Variants in ZNF536 observed in about 807,000 individuals in gnomAD.
The protein encoded by ZNF536 is zinc finger protein 536.
ZNF536 carries 13 observed loss-of-function variants against 84.5 expected under a neutral mutation model. The observed-to-expected ratio is 0.15, with a 90% CI of 0.10 to 0.24. ZNF536 has a LOEUF of 0.24. Ranked by LOEUF, ZNF536 falls within the 10% of genes least tolerant of loss-of-function variation. The pLI is 1.00. For synonymous variants in ZNF536, 811 were observed against 742.5 expected (o/e 1.09, Z -1.50); for missense variants, 1,536 against 1,747.5 (o/e 0.88, Z 2.16).
chr19:30,341,508 G>A (rs554505497), intron 2 of ZNF536, among the ~76,000 whole-genome samples: 14 of 152,244 alleles, frequency 9.2e-5, no homozygotes, highest in African/African-American at 3.4e-4. Context: ...TTCTCCTCTC[G>A]TGATTGATAG....
At chr19:30,253,741 G>A (rs1039002048) in intron 1 of ZNF536, among the ~76,000 whole-genome samples, 2 of 152,098 alleles carry the variant, frequency 1.3e-5, no homozygotes, top group African/African-American at 4.8e-5. Context: ...GGCGCCGACA[G>A]CTCCAGCCGG....
chr19:30,389,561 T>C, intron 1 of ZNF536, among the ~76,000 whole-genome samples: 1 of 152,134 alleles, frequency 6.6e-6, no homozygotes, highest in Non-Finnish European at 1.5e-5. Context: ...GGGGCTGTAT[T>C]ATGGTGACAC....
chr19:30,340,110 G>A (rs1263838477), intron 2 of ZNF536, among the ~76,000 whole-genome samples: 1 of 152,160 alleles, frequency 6.6e-6, no homozygotes, highest in Non-Finnish European at 1.5e-5. Context: ...CTAAGGGACA[G>A]TGGTGGGGAC....
At chr19:30,517,248 A>G (rs1358798003) in intron 2 of ZNF536, among the ~76,000 whole-genome samples, 1 of 152,210 alleles carries the variant, frequency 6.6e-6, no homozygotes, top group Non-Finnish European at 1.5e-5. Flanking sequence ...CTTTGAAATA[A>G]CAGACCCATC....
chr19:30,681,065 C>T (rs2050949493), intron 1 of ZNF536, among the ~76,000 whole-genome samples: 1 of 152,174 alleles, frequency 6.6e-6, no homozygotes, highest in African/African-American at 2.4e-5. Flanking sequence ...ACCCTGCACC[C>T]CGCCCCTTTC....
rs546014099 is a variant in ZNF536, at chr19:30,465,812, G to A, written c.2170+20080G>A. The stretch of plus-strand genomic sequence containing the variant: ...GTTGCCCAGGCTGGAGTGCAGTGGT[G>A]CGATCTCGGCTCACTGCAAGCTCCA... On this transcript the variant is annotated intron_variant, in intron 2 of 4. Coordinates refer to ENST00000355537, the MANE Select transcript of ZNF536 (RefSeq NM_014717.3). Among the ~76,000 whole-genome samples the A allele has an allele frequency of 7.9e-5, 12 of 152,098 alleles. No homozygotes were observed. The East Asian group carries it at 2.1e-3, about 27-fold the overall frequency.
At chr19:30,422,232 G>A (rs1050268589) in intron 1 of ZNF536, among the ~76,000 whole-genome samples, 2 of 152,040 alleles carry the variant, frequency 1.3e-5, no homozygotes, top group African/African-American at 2.4e-5. Flanking sequence ...TAGGAAACAG[G>A]GCTCTACAGA....
chr19:30,480,822 G>A (rs896067436), intron 2 of ZNF536, among the ~76,000 whole-genome samples: 2 of 152,186 alleles, frequency 1.3e-5, no homozygotes, highest in African/African-American at 4.8e-5. Context: ...GATCACCTAA[G>A]GTCAGAAGTT....
At chr19:30,562,614 G>A (rs527918973), downstream of ZNF536, among the ~76,000 whole-genome samples, 1 of 152,158 alleles carries the variant, frequency 6.6e-6, no homozygotes, top group Admixed American at 6.5e-5. Context: ...ATGATGATCA[G>A]GTTATCTTTG....
chr19:30,481,610 A>T (rs573570118), intron 2 of ZNF536, among the ~76,000 whole-genome samples: 1 of 152,348 alleles, frequency 6.6e-6, no homozygotes, highest in Admixed American at 6.5e-5. Context: ...TATTAAATGG[A>T]TTTAATCCTT....
rs1294573222 is a variant in ZNF536 at position 30,445,393 on chromosome 19, G to A, written c.1831G>A (p.Gly611Arg). ...LESSRDFLSH[G>R]LNQTLEYNLQ... is the part of the protein sequence containing the mutation. ...AAGCAGTCGGGATTTTTTGTCACAC[G>A]GGCTGAACCAGACTCTCGAGTATAA... The change falls in exon 2 of 5, where the codon GGG (glycine) becomes AGG (arginine). Residue 611 changes from glycine (G) to arginine (R), a missense_variant. Gly to Arg is a moderately radical substitution (Grantham distance 125). Around this residue, in one of 8 missense-constraint regions of ZNF536, gnomAD observed 366 missense variants for 364.4 expected, o/e 1.00. Transcript: ENST00000355537. This position sits in a 1 kb window ranked among gnomAD's most constrained non-coding sequence, Gnocchi z 4.5. 1.2e-6 allele frequency: 2 copies of A among 1,614,112 alleles called. No individual in the cohort carries two copies. The highest frequency in any genetic ancestry group is 1.7e-6 in the Non-Finnish European group (2 of 1,180,024).
At chr19:30,686,391 G>A (rs1032715313) in intron 1 of ZNF536, among the ~76,000 whole-genome samples, 5 of 152,264 alleles carry the variant, frequency 3.3e-5, no homozygotes, top group African/African-American at 7.2e-5. Flanking sequence ...AGATGGAGCC[G>A]CGGGCATCCC....
At chr19:30,335,004 G>A (rs891081716) in intron 2 of ZNF536, among the ~76,000 whole-genome samples, 2 of 152,176 alleles carry the variant, frequency 1.3e-5, no homozygotes, top group African/African-American at 4.8e-5. Flanking sequence ...CCTGCTCTGC[G>A]GCCCAGTTCC....
At chr19:30,278,464 T>C (rs1164411532) in intron 1 of ZNF536, among the ~76,000 whole-genome samples, 1 of 151,882 alleles carries the variant, frequency 6.6e-6, no homozygotes, top group African/African-American at 2.4e-5. Flanking sequence ...GGCTGTTTTA[T>C]ATATGAAAGG....
At chr19:30,636,182 G>C (rs1002175331) in intron 1 of ZNF536, among the ~76,000 whole-genome samples, 1 of 152,188 alleles carries the variant, frequency 6.6e-6, no homozygotes, top group East Asian at 1.9e-4. Context: ...CCTAACAGGA[G>C]CTGGCTTTTC....
intron 1 of ZNF536, among the ~76,000 whole-genome samples, chr19:30,442,235 A>G (rs989755281): frequency 4.6e-5 from 7 of 152,256 alleles, no homozygotes; most frequent in African/African-American, 7.2e-5. Context: ...ACGTGCTCCA[A>G]TGTGGAAGGG....
chr19:30,347,184 G>A (rs1166367311), intron 2 of ZNF536, among the ~76,000 whole-genome samples: 1 of 151,414 alleles, frequency 6.6e-6, no homozygotes, highest in Non-Finnish European at 1.5e-5. Flanking sequence ...TGATTCTGCA[G>A]ATGGGAAACC....
rs1163920778 is a variant in ZNF536, at chr19:30,390,504, G to A, written c.-3+17948G>A. 3.3e-5 allele frequency among the ~76,000 whole-genome samples: 5 copies of A among 152,200 alleles called. No individual in the cohort carries two copies. The South Asian group carries it at 1.0e-3, about 32-fold the overall frequency. Reference sequence around the variant, plus strand: ...GGCTGGAGGGGCTGAAGTGAGTACAGGCTCCCCAGCCCCTATGCTGGTCCC... The same window carrying A: ...GGCTGGAGGGGCTGAAGTGAGTACAAGCTCCCCAGCCCCTATGCTGGTCCC... On this transcript the variant is annotated intron_variant, in intron 1 of 4. Coordinates refer to ENST00000355537, the MANE Select transcript of ZNF536 (RefSeq NM_014717.3).
chr19:30,304,786 C>T (rs1270113279), intron 2 of ZNF536, among the ~76,000 whole-genome samples: 1 of 152,220 alleles, frequency 6.6e-6, no homozygotes. Flanking sequence ...ACGTGGACCA[C>T]TCAGCCTGCA....
Sources: gnomAD v4.1 joint callset for allele counts (sites outside exome capture counted in the v4.1 genomes callset) on GRCh38, gnomAD v4.1.1 for gene constraint, gnomAD v4.1.1 regional missense constraint, Gnocchi (gnomAD v3.1) non-coding constraint, MANE v1.5 for transcripts, NCBI Gene and HGNC (gene_info 2026-07-23, HGNC 2026-07-21) for gene names.